Variants in MPHOSPH8 observed in about 807,000 individuals in gnomAD.
MPHOSPH8 encodes M-phase phosphoprotein 8.
A neutral mutation model predicts 87.3 loss-of-function variants in MPHOSPH8; 45 were observed. That is an observed-to-expected ratio of 0.52 (90% CI 0.41 to 0.66). The LOEUF (loss-of-function observed/expected upper bound fraction) is 0.66. Among genes scored for constraint, MPHOSPH8 ranks in the 30% least tolerant of loss-of-function variants. MPHOSPH8 has a pLI of 0.00. For missense variants in MPHOSPH8, 883 were observed against 1,020.2 expected (o/e 0.87, Z 1.83); for synonymous variants, 366 against 376.9 (o/e 0.97, Z 0.33).
chr13:19,651,927 G>T (rs1195577689), intron 5 of MPHOSPH8, among the ~76,000 whole-genome samples: 1 of 150,802 alleles, frequency 6.6e-6, no homozygotes, highest in Non-Finnish European at 1.5e-5. Context: ...CTGAAACCCT[G>T]TCTCTACTAA....
chr13:19,636,047 C>T (rs1873989959), intron 1 of MPHOSPH8, among the ~76,000 whole-genome samples: 2 of 152,188 alleles, frequency 1.3e-5, no homozygotes, highest in South Asian at 4.1e-4. Flanking sequence ...TTTCCTGAGG[C>T]CTCCCCAGCC....
intron 8 of MPHOSPH8, among the ~76,000 whole-genome samples, chr13:19,662,270 A>G (rs944950822): frequency 6.6e-6 from 1 of 151,502 alleles, no homozygotes; most frequent in Non-Finnish European, 1.5e-5. Flanking sequence ...TTAAAAATTT[A>G]TTTTTAGAAA....
chr13:19,663,271 A>C, intron 9 of MPHOSPH8, 145 bp downstream of exon 9: 1 of 720,040 alleles, frequency 1.4e-6, no homozygotes, highest in South Asian at 1.8e-5. Flanking sequence ...GCAGGGGAGA[A>C]GGAGAAGCGG....
At chr13:19,651,249 G>T (rs1874830145) in intron 5 of MPHOSPH8, among the ~76,000 whole-genome samples, 1 of 152,204 alleles carries the variant, frequency 6.6e-6, no homozygotes, top group Non-Finnish European at 1.5e-5. Context: ...AACTAGCTAG[G>T]CGGCCAGGCA....
At chr13:19,637,928 C>G (rs1352583147) in intron 1 of MPHOSPH8, among the ~76,000 whole-genome samples, 1 of 151,436 alleles carries the variant, frequency 6.6e-6, no homozygotes, top group Non-Finnish European at 1.5e-5. Context: ...GGTGAAACCC[C>G]GTCTCTACTA....
chr13:19,651,540 AAG>A (rs1555222736), intron 5 of MPHOSPH8, among the ~76,000 whole-genome samples: 4 of 151,926 alleles, frequency 2.6e-5, no homozygotes, highest in African/African-American at 9.7e-5. Context: ...AAAAAAAAAA[AAG>A]AAAACTGGCT....
intron 8 of MPHOSPH8, among the ~76,000 whole-genome samples, chr13:19,662,160 C>T (rs1262013127): frequency 6.6e-6 from 1 of 152,100 alleles, no homozygotes; most frequent in Non-Finnish European, 1.5e-5. Context: ...AGGATGGTCT[C>T]GATCTCCTGA....
Position 19,671,209 on chromosome 13 carries a change from A to T in MPHOSPH8, c.2461A>T (p.Ser821Cys). 1.2e-6 allele frequency: 2 copies of T among 1,613,770 alleles called. No individual in the cohort carries two copies. Among genetic ancestry groups the T allele is most frequent in the Non-Finnish European group, 1.7e-6 (2 of 1,179,944 alleles). The change falls in exon 13 of 14, where the codon AGT (serine) becomes TGT (cysteine). Residue 821 changes from serine to cysteine, a missense_variant. Ser to Cys is a moderately radical substitution (Grantham distance 112, BLOSUM62 -1). This residue lies in a region of MPHOSPH8 where 741 missense variants were observed against 841.5 expected (regional missense o/e 0.88). Transcript: ENST00000361479. ...TTTTTTTCTCTTTCCATTGTAGGAC[A>T]GTCATTTTGTTTACTCATTCAGCCC... ...DKFQLPVFLD[S>C]HFVYSFSPVA...
At chr13:19,653,077 C>T (rs1874949461) in intron 5 of MPHOSPH8, among the ~76,000 whole-genome samples, 1 of 152,192 alleles carries the variant, frequency 6.6e-6, no homozygotes, top group Non-Finnish European at 1.5e-5. Flanking sequence ...CATTTGAGCT[C>T]TGCTAAGGGT....
chr13:19,634,050 A>G (rs867167940), intron 1 of MPHOSPH8, 89 bp downstream of exon 1: 5 of 1,326,822 alleles, frequency 3.8e-6, no homozygotes, highest in African/African-American at 2.9e-5. Context: ...GGGCAGACCC[A>G]AAACAGGAGC....
intron 11 of MPHOSPH8, 77 bp from the exon 12 acceptor site, chr13:19,670,142 CCAGCTCAGGGGCCTGCT>C: frequency 6.7e-7 from 1 of 1,490,034 alleles, no homozygotes; most frequent in Non-Finnish European, 9.2e-7. Flanking sequence ...CTGACCAGGC[CCAGCTCAGGGGCCTGCT>C]TCCATCTGGT....
At position 19,666,487 on chromosome 13, in the gene MPHOSPH8, T is replaced by C. The variant is rs1413242198; in HGVS notation, c.2082T>C (p.Asn694=). The C allele has an allele frequency of 6.2e-7, 1 of 1,612,048 alleles. No homozygotes were observed. The highest frequency in any genetic ancestry group is 8.5e-7 in the Non-Finnish European group (1 of 1,178,206). The part of the protein sequence containing the change: ...RLVIECGADC[N]ILSKHQNSAL... ...TAATTGAATGTGGAGCTGACTGCAA[T>C]ATTTTGTCAAAGCACCAGAATAGTG... Residue 694 remains asparagine, a synonymous_variant, in exon 10 of 14, where the codon AAT becomes AAC. Transcript: ENST00000361479.
In MPHOSPH8 at chr13:19,642,339, T is replaced by C. The variant is rs548082634; in HGVS notation, c.369+69T>C. ...ATTGTAAATTTTAACTCTCAAAGTA[T>C]GTGTAGTAAATGATTTACAAATAAC... On this transcript the variant is annotated intron_variant, in intron 2 of 13. Transcript: ENST00000361479. 8.0e-5 allele frequency: 102 copies of C among 1,280,814 alleles called. No homozygotes were observed. In the African/African-American group the frequency reaches 1.2e-3, roughly 15 times the overall value. 79.3% of individuals were successfully genotyped at this position (1,280,814 alleles called of 1,614,324 possible).
chr13:19,641,525 T>C (rs1422748556), intron 1 of MPHOSPH8, among the ~76,000 whole-genome samples: 1 of 131,808 alleles, frequency 7.6e-6, no homozygotes, highest in Non-Finnish European at 1.6e-5. Flanking sequence ...AGTTTCACTC[T>C]TGTTGCTCAA....
rs554482845 is a variant in MPHOSPH8 at position 19,633,947 on chromosome 13, A to T, written c.199A>T (p.Met67Leu). ...DVFEVEKILDMKTEGGKVLYK... is the reference protein window; with the variant it reads ...DVFEVEKILDLKTEGGKVLYK... The stretch of plus-strand genomic sequence containing the variant: ...GTTCGAGGTGGAGAAGATCCTGGAC[A>T]TGAAGACCGAGGGGGTATGTGGAGG... The change falls in exon 1 of 14, where the codon ATG becomes TTG. Residue 67 changes from methionine (M) to leucine (L), a missense_variant. Met to Leu is a conservative substitution (Grantham distance 15). Around this residue, in one of 3 missense-constraint regions of MPHOSPH8, gnomAD observed 103 missense variants for 96.3 expected, o/e 1.07. Transcript: ENST00000361479. The T allele has an allele frequency of 1.2e-6, 2 of 1,608,890 alleles. No individual in the cohort carries two copies. The highest frequency in any genetic ancestry group is 1.1e-5 in the South Asian group (1 of 89,698).
intron 12 of MPHOSPH8, chr13:19,670,726 T>C (rs1330017783): frequency 8.6e-7 from 1 of 1,164,564 alleles, no homozygotes; most frequent in Non-Finnish European, 1.1e-6. Context: ...ATTTTAACAC[T>C]TGTACTGTAT....
rs1230830609 is a variant in MPHOSPH8, at chr13:19,647,322, A to G, written c.1218+31A>G. On this transcript the variant is annotated intron_variant, in intron 3 of 13. Coordinates refer to ENST00000361479, the MANE Select transcript of MPHOSPH8 (RefSeq NM_017520.4). ...GGCCACGGGAGGCAGCAGAAAACCC[A>G]TGTTGAGTGGTCAAGACATTTCACA... 3 of 1,537,928 alleles carry G rather than the reference A, an allele frequency of 2.0e-6. No homozygotes were observed. The South Asian group carries it at 3.8e-5, about 19-fold the overall frequency.
intron 7 of MPHOSPH8, among the ~76,000 whole-genome samples, chr13:19,661,348 A>G (rs1875520616): frequency 6.6e-6 from 1 of 152,248 alleles, no homozygotes; most frequent in South Asian, 2.1e-4. Context: ...CAAAATGAGC[A>G]CATGCTGTGG....
At chr13:19,652,169 G>A (rs530858951) in intron 5 of MPHOSPH8, among the ~76,000 whole-genome samples, 12 of 152,316 alleles carry the variant, frequency 7.9e-5, no homozygotes, top group South Asian at 4.1e-4. Context: ...GCTCCGTTCC[G>A]CAATTCTCAG....
Sources: gnomAD v4.1 joint callset for allele counts (sites outside exome capture counted in the v4.1 genomes callset) on GRCh38, gnomAD v4.1.1 for gene constraint, gnomAD v4.1.1 regional missense constraint, MANE v1.5 for transcripts, NCBI Gene and HGNC (gene_info 2026-07-23, HGNC 2026-07-21) for gene names.